The following BTRC variants were observed in gnomAD, a reference collection of about 807,000 sequenced individuals.
BTRC encodes F-box/WD repeat-containing protein 1A.
In BTRC, 42 loss-of-function variants were observed where a neutral mutation model predicts 85.5. The observed-to-expected ratio is 0.49, with a 90% CI of 0.38 to 0.64. The LOEUF is 0.64. Among genes scored for constraint, BTRC ranks in the 30% least tolerant of loss-of-function variants. The pLI, the probability that BTRC is intolerant of heterozygous loss-of-function variation, is 0.00. For synonymous variants in BTRC, 255 were observed against 263.3 expected (o/e 0.97, Z 0.30); for missense variants, 594 against 743.5 (o/e 0.80, Z 2.34).
At chr10:101,488,832 G>A (rs1946056741) in intron 4 of BTRC, among the ~76,000 whole-genome samples, 1 of 152,100 alleles carries the variant, frequency 6.6e-6, no homozygotes, top group Admixed American at 6.5e-5. Flanking sequence ...TACAGAATTG[G>A]TAGGAAAGAG....
At chr10:101,462,195 T>A in intron 3 of BTRC, 137 bp downstream of exon 3, 1 of 618,200 alleles carries the variant, frequency 1.6e-6, no homozygotes, top group South Asian at 2.2e-5. Flanking sequence ...GCCATAGCCA[T>A]CACTTTCAAT....
chr10:101,472,234 C>T (rs1379680278), intron 3 of BTRC, among the ~76,000 whole-genome samples: 1 of 151,186 alleles, frequency 6.6e-6, no homozygotes, highest in Non-Finnish European at 1.5e-5. Context: ...TCCCTTCCTT[C>T]CTTCCTTCCC....
At chr10:101,526,252 C>CGA in intron 6 of BTRC, 53 bp downstream of exon 6, 1 of 1,522,228 alleles carries the variant, frequency 6.6e-7, no homozygotes, top group Admixed American at 1.9e-5. Context: ...TGGCCATTCA[C>CGA]AGTCACTGAA....
intron 4 of BTRC, among the ~76,000 whole-genome samples, chr10:101,501,255 A>C (rs534983144): frequency 6.6e-6 from 1 of 152,334 alleles, no homozygotes; most frequent in East Asian, 1.9e-4. Flanking sequence ...CATGTGAAGA[A>C]TGAATCTCTA....
intron 13 of BTRC, among the ~76,000 whole-genome samples, chr10:101,546,621 A>G (rs1306711108): frequency 2.0e-5 from 3 of 152,208 alleles, no homozygotes; most frequent in Non-Finnish European, 2.9e-5. Flanking sequence ...CTAAGCTTCT[A>G]CTAGAGCCAA....
At chr10:101,476,411 T>G (rs957670082) in intron 3 of BTRC, among the ~76,000 whole-genome samples, 1 of 152,220 alleles carries the variant, frequency 6.6e-6, no homozygotes, top group African/African-American at 2.4e-5. Flanking sequence ...TCTGTAATTA[T>G]GTAAGATATT....
rs79971606 is a variant in BTRC at position 101,475,600 on chromosome 10, C to A, written c.235-3768C>A. ...ATAATATCGATGGGGAGTTATATAT[C>A]TCTACTATTTTCCCCATTTTTTCTT... On this transcript the variant is annotated intron_variant, in intron 3 of 14. Transcript: ENST00000370187. Among the ~76,000 whole-genome samples the A allele has an allele frequency of 2.2e-3, 339 of 152,146 alleles. 9 individuals carry two copies. The East Asian group carries it at 0.043, about 19-fold the overall frequency.
At chr10:101,370,918 A>G (rs1300644768) in intron 1 of BTRC, among the ~76,000 whole-genome samples, 4 of 152,160 alleles carry the variant, frequency 2.6e-5, no homozygotes, top group Non-Finnish European at 4.4e-5. Flanking sequence ...ACAGACACAC[A>G]TACATATGTA....
chr10:101,430,469 T>G lies in BTRC; in HGVS notation c.156+17T>G, dbSNP rs530158028. ...GCTTTCCAGGTACTTTCTCTGTCTCTGTGGGTTATTTGCGGGCATTAGTGT... is the reference window on the plus strand; with the variant it reads ...GCTTTCCAGGTACTTTCTCTGTCTCGGTGGGTTATTTGCGGGCATTAGTGT... On this transcript the variant is annotated intron_variant, in intron 2 of 14. Transcript: ENST00000370187. 3.6e-5 allele frequency: 58 copies of G among 1,605,470 alleles called. No individual in the cohort carries two copies. The South Asian group carries it at 5.8e-4, about 16-fold the overall frequency.
At chr10:101,361,038 T>C (rs1244769057) in intron 1 of BTRC, among the ~76,000 whole-genome samples, 1 of 152,148 alleles carries the variant, frequency 6.6e-6, no homozygotes, top group African/African-American at 2.4e-5. Flanking sequence ...ACTCCTGGCC[T>C]CAAGTTATTC....
chr10:101,459,710 C>T (rs939620382), intron 2 of BTRC, among the ~76,000 whole-genome samples: 3 of 152,158 alleles, frequency 2.0e-5, no homozygotes, highest in African/African-American at 7.2e-5. Flanking sequence ...AGGTTAGTAA[C>T]ACCCTTTAAG....
intron 14 of BTRC, chr10:101,551,219 GC>G: frequency 5.5e-6 from 1 of 182,086 alleles, no homozygotes; most frequent in Admixed American, 6.1e-5. Context: ...TGACCCAAAG[GC>G]CTGTGATGTT....
chr10:101,376,803 A>C (rs550506456), intron 1 of BTRC, among the ~76,000 whole-genome samples: 1 of 152,252 alleles, frequency 6.6e-6, no homozygotes, highest in South Asian at 2.1e-4. Flanking sequence ...GTGCTTTCAC[A>C]ACAACATTCT....
chr10:101,457,859 A>G (rs1351452758), intron 2 of BTRC, among the ~76,000 whole-genome samples: 1 of 152,220 alleles, frequency 6.6e-6, no homozygotes, highest in East Asian at 1.9e-4. Flanking sequence ...AGATTTATAG[A>G]CAAGTGAAAA....
chr10:101,550,571 T>C lies in BTRC; in HGVS notation c.1657-128T>C, dbSNP rs545406547. ...TGCTGGGATTACAGGTGTGAGCCAC[T>C]GCGCCTGGCCTCTTTATAACAGCAA... On this transcript the variant is annotated intron_variant, in intron 13 of 14. Coordinates refer to ENST00000370187, the MANE Select transcript of BTRC (RefSeq NM_033637.4). 44 of 939,510 alleles carry C rather than the reference T, an allele frequency of 4.7e-5. 1 individual carries two copies. The highest frequency in any genetic ancestry group is 6.9e-5 in the Non-Finnish European group (43 of 619,654). The allele number at this position is 939,510 out of a possible 1,614,324, so 58.2% of individuals were successfully genotyped here. A position where few individuals can be genotyped will look rare whatever the true frequency, so the allele number is the denominator to read the frequency against.
At position 101,531,290 on chromosome 10, in the gene BTRC, C is replaced by G. The variant is rs1564829550; in HGVS notation, c.797C>G (p.Ser266Cys). The stretch of plus-strand genomic sequence containing the variant: ...CCTGACGGGAATGCTCCTCCCAACT[C>G]TTTTTATAGAGCACTTTATCCTAAA... ...KPPDGNAPPN[S>C]FYRALYPKII... Residue 266 changes from serine to cysteine, a missense_variant, in exon 7 of 15, where the codon TCT (serine) becomes TGT (cysteine). Physicochemically the swap from Ser to Cys is moderately radical, Grantham distance 112 (BLOSUM62 -1). Around this residue, in one of 4 missense-constraint regions of BTRC, gnomAD observed 373 missense variants for 503.6 expected, o/e 0.74. Transcript: ENST00000370187. The G allele has an allele frequency of 3.1e-6, 5 of 1,611,486 alleles. No individual in the cohort carries two copies. The highest frequency in any genetic ancestry group is 4.2e-6 in the Non-Finnish European group (5 of 1,177,656).
chr10:101,400,159 A>C (rs1157974127), intron 1 of BTRC, among the ~76,000 whole-genome samples: 1 of 152,216 alleles, frequency 6.6e-6, no homozygotes, highest in Non-Finnish European at 1.5e-5. Context: ...TATTTATTTC[A>C]TATATTGTAG....
intron 14 of BTRC, among the ~76,000 whole-genome samples, chr10:101,552,329 A>G (rs969860071): frequency 2.0e-5 from 3 of 150,022 alleles, no homozygotes. Flanking sequence ...CCGCGGGCAC[A>G]CAACACCATG....
At chr10:101,487,222 AG>A (rs915872311) in intron 4 of BTRC, among the ~76,000 whole-genome samples, 23 of 152,294 alleles carry the variant, frequency 1.5e-4, no homozygotes, top group African/African-American at 4.6e-4. Context: ...TATGGATTTG[AG>A]TTAATAGATT....
Sources: gnomAD v4.1 joint callset for allele counts (sites outside exome capture counted in the v4.1 genomes callset) on GRCh38, gnomAD v4.1.1 for gene constraint, gnomAD v4.1.1 regional missense constraint, MANE v1.5 for transcripts, NCBI Gene and HGNC (gene_info 2026-07-23, HGNC 2026-07-21) for gene names.